PGAP1: variants seen among roughly 807,000 people sequenced by gnomAD.
PGAP1 encodes the protein post-GPI attachment to proteins inositol deacylase 1.
In PGAP1, 76 loss-of-function variants were observed where a neutral mutation model predicts 127.0. The observed-to-expected ratio is 0.60, with a 90% confidence interval of 0.50 to 0.72. The LOEUF (loss-of-function observed/expected upper bound fraction) is 0.72, where lower values mean the gene tolerates loss of function less well. Among genes scored for constraint, PGAP1 ranks in the 30% least tolerant of loss-of-function variants. The pLI is 0.00. For synonymous variants in PGAP1, 362 were observed against 366.5 expected (o/e 0.99, Z 0.14); for missense variants, 982 against 1,071.3 (o/e 0.92, Z 1.16).
Position 196,836,864 on chromosome 2 carries a change from TC to T in PGAP1, c.*4369del, listed in dbSNP as rs773104173. 25 of 152,318 alleles carry T rather than the reference TC, an allele frequency of 1.6e-4. No individual in the cohort carries two copies. Among genetic ancestry groups the T allele is most frequent in the Non-Finnish European group, 3.1e-4 (21 of 68,024 alleles). 9.4% of individuals were successfully genotyped at this position (152,318 alleles called of 1,614,324 possible). On this transcript the variant is annotated 3_prime_UTR_variant, in exon 27 of 27. Coordinates refer to ENST00000354764, the MANE Select transcript of PGAP1 (RefSeq NM_024989.4). The stretch of plus-strand genomic sequence containing the variant: ...AATGTCATGCACTCCAAATGGATTT[TC>T]CCCAGTAAATTTTACAAAGTATCTT...
chr2:196,884,885 T>C (rs557082172), intron 12 of PGAP1, among the ~76,000 whole-genome samples: 36 of 152,202 alleles, frequency 2.4e-4, no homozygotes, highest in Non-Finnish European at 4.4e-4. Context: ...ATAAGCCCTT[T>C]ATAAAAGAAC....
Position 196,904,074 on chromosome 2 carries a change from A to G in PGAP1, c.650-1332T>C, listed in dbSNP as rs539396551. On this transcript the variant is annotated intron_variant, in intron 4 of 26. Transcript: ENST00000354764. ...TATGTCTAGATAGTTTAAAAAGTCA[A>G]AAATCCAGCTAATAACCTGTTAAAT... is the stretch of plus-strand genomic sequence containing the variant. Among the ~76,000 whole-genome samples, 48 of 152,314 alleles carry G rather than the reference A, an allele frequency of 3.2e-4. 1 individual carries two copies. In the South Asian group the frequency reaches 9.9e-3, roughly 32 times the overall value.
chr2:196,833,897 C>G lies in PGAP1; in HGVS notation c.*7337G>C, dbSNP rs998170863. On this transcript the variant is annotated 3_prime_UTR_variant, in exon 27 of 27. Coordinates refer to ENST00000354764, the MANE Select transcript of PGAP1 (RefSeq NM_024989.4). ...TCTACATTTTTTTAAAAACTGAAGC[C>G]CGTTTTCTCTTGAAGCCTTAAAAAT... is the stretch of plus-strand genomic sequence containing the variant. 1 of 151,172 alleles carries G rather than the reference C, an allele frequency of 6.6e-6. No individual in the cohort carries two copies. Among genetic ancestry groups the G allele is most frequent in the Non-Finnish European group, 1.5e-5 (1 of 67,750 alleles). 9.4% of individuals were successfully genotyped at this position (151,172 alleles called of 1,614,324 possible).
intron 19 of PGAP1, among the ~76,000 whole-genome samples, chr2:196,868,934 T>G (rs1296115497): frequency 6.6e-6 from 1 of 152,226 alleles, no homozygotes; most frequent in Non-Finnish European, 1.5e-5. Flanking sequence ...AAGAACATCT[T>G]ACGTCTTTTC....
At chr2:196,890,375 T>C (rs1702059084) in intron 10 of PGAP1, among the ~76,000 whole-genome samples, 1 of 152,236 alleles carries the variant, frequency 6.6e-6, no homozygotes. Context: ...TAAATCTAGA[T>C]AACATTGTAA....
intron 5 of PGAP1, among the ~76,000 whole-genome samples, chr2:196,899,932 G>C (rs1009357653): frequency 1.1e-4 from 16 of 152,348 alleles, no homozygotes; most frequent in African/African-American, 3.8e-4. Flanking sequence ...CAGCTACTCA[G>C]GAGGCTGAGG....
At chr2:196,897,588 C>T (rs16859304) in intron 6 of PGAP1, among the ~76,000 whole-genome samples, 17,197 of 152,088 alleles carry the variant, frequency 0.11, 1,258 homozygotes, top group African/African-American at 0.21. Context: ...ATAAATATAT[C>T]AGGGGCTGCC....
chr2:196,896,678 T>A (rs921389761), intron 7 of PGAP1, among the ~76,000 whole-genome samples: 1 of 151,530 alleles, frequency 6.6e-6, no homozygotes, highest in African/African-American at 2.4e-5. Context: ...AAACCCCATC[T>A]CTATTAAAAA....
At chr2:196,894,862 T>C (rs1702222971) in intron 7 of PGAP1, among the ~76,000 whole-genome samples, 1 of 152,156 alleles carries the variant, frequency 6.6e-6, no homozygotes, top group African/African-American at 2.4e-5. Context: ...CCATTCTTAC[T>C]CACTCTCAAG....
rs906436530 is a variant in PGAP1, at chr2:196,839,680, C to T, written c.*1554G>A. The T allele has an allele frequency of 6.6e-6, 1 of 152,188 alleles. No individual in the cohort carries two copies. Among genetic ancestry groups the T allele is most frequent in the Non-Finnish European group, 1.5e-5 (1 of 68,070 alleles). The allele number at this position is 152,188 out of a possible 1,614,324, so 9.4% of individuals were successfully genotyped here. ...TCAACTGAGGCCAAAATAGCCAGGA[C>T]CTGAGGAAGAACTGAGAAGAGAAGT... On this transcript the variant is annotated 3_prime_UTR_variant, in exon 27 of 27. Transcript: ENST00000354764.
chr2:196,890,657 T>TA (rs907633967), intron 10 of PGAP1, among the ~76,000 whole-genome samples, 171 bp downstream of exon 10: 155 of 150,268 alleles, frequency 1.0e-3, no homozygotes, highest in African/African-American at 2.8e-3. Context: ...GTATCTGTGA[T>TA]AAAAAAAAAA....
At position 196,847,004 on chromosome 2, in the gene PGAP1, T is replaced by C. The variant is rs750937180; in HGVS notation, c.2149A>G (p.Arg717Gly). 52 of 1,610,468 alleles carry C rather than the reference T, an allele frequency of 3.2e-5. No individual in the cohort carries two copies. Among genetic ancestry groups the C allele is most frequent in the Non-Finnish European group, 4.2e-5 (50 of 1,177,828 alleles). Residue 717 changes from arginine to glycine, a missense_variant and splice_region_variant, in exon 22 of 27, where the codon AGA (arginine) becomes GGA (glycine). Coordinates refer to ENST00000354764, the MANE Select transcript of PGAP1 (RefSeq NM_024989.4). ...AGCTGTTAATCATTCATTCTTTACC[T>C]TTTCAAAGCTAGCCACAATGAAGAA... The part of the protein sequence containing the change: ...LLSSLWLALK[R>G]PSELPKDIKM...
intron 12 of PGAP1, among the ~76,000 whole-genome samples, chr2:196,883,503 C>T (rs1004270709): frequency 1.3e-5 from 2 of 152,154 alleles, no homozygotes; most frequent in African/African-American, 4.8e-5. Flanking sequence ...AGCTAAGACC[C>T]ACCAGACAAA....
intron 16 of PGAP1, 152 bp from the exon 17 acceptor site, chr2:196,873,178 C>A: frequency 2.2e-6 from 1 of 452,510 alleles, no homozygotes; most frequent in Admixed American, 4.1e-5. Context: ...TGGCGAATTC[C>A]TAAATAATAA....
Position 196,918,548 on chromosome 2 carries a change from A to T in PGAP1, c.301+1449T>A, listed in dbSNP as rs577841877. Among the ~76,000 whole-genome samples, 3 of 152,316 alleles carry T rather than the reference A, an allele frequency of 2.0e-5. No homozygotes were observed. The South Asian group carries it at 6.2e-4, about 32-fold the overall frequency. On this transcript the variant is annotated intron_variant, in intron 2 of 26. Coordinates refer to ENST00000354764, the MANE Select transcript of PGAP1 (RefSeq NM_024989.4). ...ACAACTTGGATGAATGTTAAAGATA[A>T]TGCTGAGTGAAAGAAGCCAGACACA...
chr2:196,836,155 C>CA lies in PGAP1; in HGVS notation c.*5078dup, dbSNP rs1204646271. On this transcript the variant is annotated 3_prime_UTR_variant, in exon 27 of 27. Transcript: ENST00000354764. ...TTACAATGTACAGAATGAGTACAGACAGATTCTGACTCATATATCAAGTCC... is the reference window on the plus strand; with the variant it reads ...TTACAATGTACAGAATGAGTACAGACAAGATTCTGACTCATATATCAAGTCC... 1 of 152,436 alleles carries CA rather than the reference C, an allele frequency of 6.6e-6. No individual in the cohort carries two copies. The highest frequency in any genetic ancestry group is 1.5e-5 in the Non-Finnish European group (1 of 67,920). The allele number at this position is 152,436 out of a possible 1,614,324, so 9.4% of individuals were successfully genotyped here. A position where few individuals can be genotyped will look rare whatever the true frequency, so the allele number is the denominator to read the frequency against.
Position 196,846,984 on chromosome 2 carries a change from T to C in PGAP1, c.2150+19A>G, listed in dbSNP as rs541717333. The stretch of plus-strand genomic sequence containing the variant: ...TCTTCTTAAAGCAATAAGAAAGCTG[T>C]TAATCATTCATTCTTTACCTTTTCA... On this transcript the variant is annotated intron_variant, in intron 22 of 26. Coordinates refer to ENST00000354764, the MANE Select transcript of PGAP1 (RefSeq NM_024989.4). 9 of 1,583,518 alleles carry C rather than the reference T, an allele frequency of 5.7e-6. 1 individual carries two copies. In the African/African-American group the frequency reaches 9.5e-5, roughly 17 times the overall value.
chr2:196,844,385 C>T (rs1700500067), intron 24 of PGAP1, 139 bp downstream of exon 24: 2 of 564,072 alleles, frequency 3.5e-6, no homozygotes, highest in Admixed American at 7.5e-5. Flanking sequence ...TTAAAATATT[C>T]ATTAGGTTCA....
chr2:196,847,249 T>G (rs1291354862), intron 21 of PGAP1, 49 bp from the exon 22 acceptor site: 2 of 1,395,252 alleles, frequency 1.4e-6, no homozygotes, highest in Non-Finnish European at 2.0e-6. Flanking sequence ...AACTGAAATT[T>G]AAGGACTTAA....
Sources: gnomAD v4.1 joint callset for allele counts (sites outside exome capture counted in the v4.1 genomes callset) on GRCh38, gnomAD v4.1.1 for gene constraint, MANE v1.5 for transcripts, NCBI Gene and HGNC (gene_info 2026-07-23, HGNC 2026-07-21) for gene names.